HDHD5: variants seen among roughly 807,000 people sequenced by gnomAD.
The protein encoded by HDHD5 is haloacid dehalogenase like hydrolase domain containing 5, also known as haloacid dehalogenase-like hydrolase domain-containing 5.
A neutral mutation model predicts 35.5 loss-of-function variants in HDHD5; 34 were observed. The ratio of observed to expected loss-of-function variants is 0.96; its 90% CI spans 0.73 to 1.28. HDHD5 has a LOEUF of 1.28. HDHD5 is among the 50% of genes most tolerant of loss of function. The probability of loss-of-function intolerance (pLI) is 0.00; values close to 1 mark genes in which losing one functional copy is unlikely to be tolerated. For synonymous variants in HDHD5, 248 were observed against 240.6 expected (o/e 1.03, Z -0.29); for missense variants, 589 against 560.2 (o/e 1.05, Z -0.52).
chr22:17,156,191 CT>C (rs1255536427), intron 1 of HDHD5, among the ~76,000 whole-genome samples: 3 of 152,184 alleles, frequency 2.0e-5, no homozygotes, highest in Non-Finnish European at 4.4e-5. Flanking sequence ...TGACTGCCCC[CT>C]AAAGACCTTC....
chr22:17,143,476 G>A (rs1267498515), intron 4 of HDHD5: 4 of 221,418 alleles, frequency 1.8e-5, no homozygotes, highest in Non-Finnish European at 3.5e-5. Flanking sequence ...GACGAAGGCG[G>A]CATCACGCCT....
intron 6 of HDHD5, among the ~76,000 whole-genome samples, chr22:17,140,602 A>G (rs1413888447): frequency 6.6e-6 from 1 of 152,130 alleles, no homozygotes; most frequent in Non-Finnish European, 1.5e-5. Flanking sequence ...AAAACAAAAC[A>G]AACAAAAAAC....
upstream of HDHD5, among the ~76,000 whole-genome samples, chr22:17,160,040 T>G (rs540071674): frequency 3.5e-4 from 54 of 152,310 alleles, no homozygotes; most frequent in Non-Finnish European, 5.9e-4. Context: ...CCCCCGGTCA[T>G]GAGGGGAGAT....
At chr22:17,141,465 C>A (rs2061600773) in intron 5 of HDHD5, 1 of 1,349,538 alleles carries the variant, frequency 7.4e-7, no homozygotes, top group African/African-American at 1.5e-5. Flanking sequence ...TGACTTCAGT[C>A]CACCAGTGCT....
chr22:17,138,054 C>T lies in HDHD5; in HGVS notation c.1239G>A (p.Leu413=). The T allele has an allele frequency of 6.2e-7, 1 of 1,613,554 alleles. No individual in the cohort carries two copies. Among genetic ancestry groups the T allele is most frequent in the Non-Finnish European group, 8.5e-7 (1 of 1,179,530 alleles). The change falls in exon 8 of 8, where the codon CTG becomes CTA. Residue 413 remains leucine (L), a synonymous_variant. Transcript: ENST00000336737. The part of the protein sequence containing the change: ...VVNDVNEAVQ[L]VFRKEGWALE ...AAGCCCAGCCCTCCTTGCGGAAGAC[C>T]AGCTGCACAGCCTCATTCACGTCAT...
chr22:17,160,658 AAAAATAAT>A (rs1350874200), upstream of HDHD5, among the ~76,000 whole-genome samples: 2 of 149,916 alleles, frequency 1.3e-5, no homozygotes, highest in Admixed American at 1.3e-4. Context: ...TGAAAAAAAA[AAAAATAAT>A]AATAATAATA....
chr22:17,157,361 G>C (rs992428960), intron 1 of HDHD5, among the ~76,000 whole-genome samples: 1 of 150,998 alleles, frequency 6.6e-6, no homozygotes, highest in African/African-American at 2.4e-5. Flanking sequence ...TCCCTCCCAG[G>C]TTCAAGGGCT....
chr22:17,162,982 A>G (rs1341350087), upstream of HDHD5, among the ~76,000 whole-genome samples: 1 of 152,206 alleles, frequency 6.6e-6, no homozygotes, highest in African/African-American at 2.4e-5. Context: ...CAGTCATGTT[A>G]CGACACAATC....
At chr22:17,164,631 C>T (rs2061881375) in intron 1 of HDHD5, among the ~76,000 whole-genome samples, 1 of 152,162 alleles carries the variant, frequency 6.6e-6, no homozygotes, top group African/African-American at 2.4e-5. Flanking sequence ...AAGGGGTATC[C>T]CATTTCCCTA....
intron 3 of HDHD5, 167 bp from the exon 4 acceptor site, chr22:17,145,284 G>A (rs2061648987): frequency 1.3e-6 from 1 of 752,216 alleles, no homozygotes; most frequent in East Asian, 1.3e-4. Context: ...GTGCTGGCAG[G>A]CAGGCTGTAA....
chr22:17,159,283 G>C, upstream of HDHD5: 1 of 1,228,350 alleles, frequency 8.1e-7, no homozygotes, highest in Non-Finnish European at 1.0e-6. Flanking sequence ...TGCACGGCGT[G>C]CGGCCCCCCC....
At chr22:17,154,880 CTCCCAAAG>C (rs1555881152) in intron 1 of HDHD5, among the ~76,000 whole-genome samples, 1 of 151,840 alleles carries the variant, frequency 6.6e-6, no homozygotes, top group Non-Finnish European at 1.5e-5. Flanking sequence ...ATCCTTCCAA[CTCCCAAAG>C]TGCTCAGATT....
In HDHD5 at chr22:17,143,080, A is replaced by G. The variant is rs770489137; in HGVS notation, c.571+18T>C. The G allele has an allele frequency of 6.2e-7, 1 of 1,609,046 alleles. No individual in the cohort carries two copies. Among genetic ancestry groups the G allele is most frequent in the Non-Finnish European group, 8.5e-7 (1 of 1,177,948 alleles). On this transcript the variant is annotated intron_variant, in intron 5 of 7. Coordinates refer to ENST00000336737, the MANE Select transcript of HDHD5 (RefSeq NM_033070.3). The stretch of plus-strand genomic sequence containing the variant: ...CGGAGAAAAGACCTCACAACTCATC[A>G]AAGAGGACCTCTCTTACCTTCAATG...
intron 2 of HDHD5, 135 bp downstream of exon 2, chr22:17,149,407 T>C: frequency 2.6e-6 from 2 of 759,872 alleles, no homozygotes. Flanking sequence ...GCAGGATTTC[T>C]GTGTTCAGCT....
intron 1 of HDHD5, among the ~76,000 whole-genome samples, chr22:17,157,294 G>A (rs891638609): frequency 3.9e-4 from 53 of 135,814 alleles, no homozygotes; most frequent in Admixed American, 3.3e-3. Context: ...TTTGATAAGA[G>A]TCAGGATCTG....
chr22:17,151,131 A>G (rs1386709653), intron 1 of HDHD5, among the ~76,000 whole-genome samples: 2 of 152,204 alleles, frequency 1.3e-5, no homozygotes, highest in East Asian at 3.9e-4. Flanking sequence ...AACGTACTTT[A>G]CCCTTACAAT....
At chr22:17,155,131 A>G (rs2061772853) in intron 1 of HDHD5, among the ~76,000 whole-genome samples, 1 of 152,082 alleles carries the variant, frequency 6.6e-6, no homozygotes, top group Non-Finnish European at 1.5e-5. Context: ...ATTTTTGAAA[A>G]CTTACATAGT....
At chr22:17,155,722 C>T (rs528432554) in intron 1 of HDHD5, among the ~76,000 whole-genome samples, 2 of 152,286 alleles carry the variant, frequency 1.3e-5, no homozygotes, top group Admixed American at 6.5e-5. Flanking sequence ...TGAAGGTGTA[C>T]ATCAATTATA....
chr22:17,159,333 GGC>G, upstream of HDHD5: 2 of 1,214,158 alleles, frequency 1.6e-6, no homozygotes, highest in Non-Finnish European at 1.0e-6. Context: ...ATCAGCGGTC[GGC>G]GCGCGCGGCA....
Sources: allele counts gnomAD v4.1 joint callset (sites outside exome capture counted in the v4.1 genomes callset), GRCh38; gene constraint gnomAD v4.1.1; transcripts MANE v1.5; gene names NCBI Gene and HGNC (gene_info 2026-07-23, HGNC 2026-07-21).